Variants in PRKN observed in about 807,000 individuals in gnomAD.
PRKN encodes the protein parkin RBR E3 ubiquitin protein ligase.
PRKN carries 56 observed loss-of-function variants against 59.5 expected under a neutral mutation model. The observed-to-expected ratio is 0.94, with a 90% CI of 0.76 to 1.18. The LOEUF (loss-of-function observed/expected upper bound fraction) is 1.18, where lower values mean the gene tolerates loss of function less well. Ranked by LOEUF, PRKN falls within the 50% of genes most tolerant of loss-of-function variation. The pLI is 0.00. For missense variants in PRKN, 657 were observed against 596.4 expected, an observed-to-expected ratio of 1.10 and a Z score of -1.06; for synonymous variants, 250 against 222.1, an observed-to-expected ratio of 1.13 and a Z score of -1.12.
chr6:162,116,662 T>TA (rs1780687347), intron 4 of PRKN, among the ~76,000 whole-genome samples: 1 of 152,202 alleles, frequency 6.6e-6, no homozygotes. Flanking sequence ...GGTTCAGAGA[T>TA]AAAACAAATA....
At chr6:162,164,530 T>C (rs1458206012) in intron 4 of PRKN, among the ~76,000 whole-genome samples, 1 of 148,972 alleles carries the variant, frequency 6.7e-6, no homozygotes, top group Non-Finnish European at 1.5e-5. Context: ...GGACTTTTTG[T>C]GTGTAGAGTG....
chr6:162,351,038 T>A (rs527614164), intron 2 of PRKN, among the ~76,000 whole-genome samples: 1 of 151,410 alleles, frequency 6.6e-6, no homozygotes, highest in African/African-American at 2.4e-5. Flanking sequence ...AAAAAAATAA[T>A]AAAAATCCAA....
intron 1 of PRKN, among the ~76,000 whole-genome samples, chr6:162,719,766 T>C (rs1778861271): frequency 6.6e-6 from 1 of 152,154 alleles, no homozygotes; most frequent in East Asian, 1.9e-4. Context: ...GAAATTCACC[T>C]GTTGTTCAGA....
intron 7 of PRKN, among the ~76,000 whole-genome samples, chr6:161,570,965 G>T (rs1187696958): frequency 6.6e-6 from 1 of 152,070 alleles, no homozygotes; most frequent in African/African-American, 2.4e-5. Context: ...TTTTGAGTCA[G>T]GGTCTAACTC....
intron 7 of PRKN, among the ~76,000 whole-genome samples, chr6:161,770,189 G>A (rs1789604618): frequency 6.6e-6 from 1 of 152,138 alleles, no homozygotes; most frequent in South Asian, 2.1e-4. Flanking sequence ...CAGCCCACAT[G>A]GAGCATGGGG....
intron 5 of PRKN, among the ~76,000 whole-genome samples, chr6:162,019,109 T>C (rs1783035953): frequency 2.0e-5 from 3 of 152,180 alleles, no homozygotes; most frequent in Non-Finnish European, 4.4e-5. Flanking sequence ...TTCTTTCTAC[T>C]ATCAGAATGA....
chr6:162,708,214 C>T (rs1309321340), intron 1 of PRKN, among the ~76,000 whole-genome samples: 2 of 152,018 alleles, frequency 1.3e-5, no homozygotes, highest in Non-Finnish European at 2.9e-5. Flanking sequence ...TCCAGCTGTG[C>T]CCCAAGAAAA....
rs1042785370 is a variant in PRKN, at chr6:161,359,116, A to G, written c.1285+972T>C. Among the ~76,000 whole-genome samples, 1 of 152,086 alleles carries G rather than the reference A, an allele frequency of 6.6e-6. No homozygotes were observed. The highest frequency in any genetic ancestry group is 2.4e-5 in the African/African-American group (1 of 41,438). On this transcript the variant is annotated intron_variant, in intron 11 of 11. Transcript: ENST00000366898. The surrounding 1 kb of genome is among the most constrained non-coding windows in gnomAD (Gnocchi z 5.4). ...GCCGCCTTCTGCTCTTTATAGGTGC[A>G]TGCCAATCCCTTCATTTTCTAGGAG...
rs948234479 is a variant in PRKN at position 161,578,160 on chromosome 6, C to T, written c.872-8744G>A. On this transcript the variant is annotated intron_variant, in intron 7 of 11. Coordinates refer to ENST00000366898, the MANE Select transcript of PRKN (RefSeq NM_004562.3). The surrounding 1 kb of genome is among the most constrained non-coding windows in gnomAD (Gnocchi z 4.2). ...ATAAAAAAAGAAAAAGAGGAGGTGGCTTGGAATCAAAGAGGCCAAAGCCTG... is the reference window on the plus strand; with the variant it reads ...ATAAAAAAAGAAAAAGAGGAGGTGGTTTGGAATCAAAGAGGCCAAAGCCTG... Among the ~76,000 whole-genome samples the T allele has an allele frequency of 2.0e-4, 30 of 152,054 alleles. No individual in the cohort carries two copies. The highest frequency in any genetic ancestry group is 5.8e-4 in the African/African-American group (24 of 41,400).
Position 161,372,001 on chromosome 6 carries a change from C to T in PRKN, c.1168-11796G>A, listed in dbSNP as rs1196595517. ...ATTTCTGCTAGGAGTGGAATGTGTG[C>T]CAAGTGCCACAGACGAGATCTTACA... On this transcript the variant is annotated intron_variant, in intron 10 of 11. Coordinates refer to ENST00000366898, the MANE Select transcript of PRKN (RefSeq NM_004562.3). The surrounding 1 kb of genome is among the most constrained non-coding windows in gnomAD (Gnocchi z 4.2). Among the ~76,000 whole-genome samples, 1 of 152,262 alleles carries T rather than the reference C, an allele frequency of 6.6e-6. No homozygotes were observed. The highest frequency in any genetic ancestry group is 6.5e-5 in the Admixed American group (1 of 15,290).
Position 162,599,790 on chromosome 6 carries a change from TCAA to T in PRKN, c.7+127869_7+127871del, listed in dbSNP as rs1477132651. 1.3e-5 allele frequency among the ~76,000 whole-genome samples: 2 copies of T among 152,076 alleles called. 1 individual carries two copies. The highest frequency in any genetic ancestry group is 3.9e-4 in the East Asian group (2 of 5,188). The stretch of plus-strand genomic sequence containing the variant: ...TATGCTTGATGCCTAATTTCAACCA[TCAA>T]CAACAATAGTAACAACAAAACAGAA... On this transcript the variant is annotated intron_variant, in intron 1 of 11. Coordinates refer to ENST00000366898, the MANE Select transcript of PRKN (RefSeq NM_004562.3).
intron 4 of PRKN, among the ~76,000 whole-genome samples, chr6:162,143,636 A>T (rs10945798): frequency 0.048 from 7,302 of 152,312 alleles, 245 homozygotes; most frequent in Non-Finnish European, 0.074. Flanking sequence ...AACAAGATAC[A>T]TTTGAAGAAA....
intron 4 of PRKN, among the ~76,000 whole-genome samples, chr6:162,055,517 G>A (rs1394016050): frequency 6.6e-6 from 1 of 152,156 alleles, no homozygotes; most frequent in Non-Finnish European, 1.5e-5. Context: ...TCCTCACCGT[G>A]GGTGGAGCAG....
chr6:161,644,813 C>T (rs1485522790), intron 7 of PRKN, among the ~76,000 whole-genome samples: 1 of 152,216 alleles, frequency 6.6e-6, no homozygotes, highest in Non-Finnish European at 1.5e-5. Flanking sequence ...TGCACCCAGG[C>T]AGGCCAACAG....
At chr6:162,563,236 G>A (rs540735984) in intron 1 of PRKN, among the ~76,000 whole-genome samples, 2 of 151,996 alleles carry the variant, frequency 1.3e-5, no homozygotes, top group Middle Eastern at 3.4e-3. Flanking sequence ...CCCAGGAGGC[G>A]GAGCTTGCAG....
At chr6:162,141,385 T>G (rs1781773757) in intron 4 of PRKN, among the ~76,000 whole-genome samples, 1 of 152,160 alleles carries the variant, frequency 6.6e-6, no homozygotes, top group African/African-American at 2.4e-5. Context: ...GCTTTATTTT[T>G]CAATGGGTTT....
chr6:162,714,333 C>A (rs1477885015), intron 1 of PRKN, among the ~76,000 whole-genome samples: 4 of 152,156 alleles, frequency 2.6e-5, no homozygotes, highest in African/African-American at 7.2e-5. Flanking sequence ...CGTCACGGGG[C>A]CTTTGTCTAA....
At chr6:161,516,657 A>G (rs12527840) in intron 9 of PRKN, among the ~76,000 whole-genome samples, 10,642 of 150,648 alleles carry the variant, frequency 0.071, 493 homozygotes, top group African/African-American at 0.13. Context: ...GTAAAACTCC[A>G]TCTCCACTAA....
chr6:162,300,079 G>A (rs1184233305), intron 2 of PRKN, among the ~76,000 whole-genome samples: 1 of 151,956 alleles, frequency 6.6e-6, no homozygotes, highest in African/African-American at 2.4e-5. Context: ...TAGCATTATA[G>A]AATCAGAGCA....
Sources: gnomAD v4.1 joint callset for allele counts (sites outside exome capture counted in the v4.1 genomes callset) on GRCh38, gnomAD v4.1.1 for gene constraint, Gnocchi (gnomAD v3.1) non-coding constraint, MANE v1.5 for transcripts, NCBI Gene and HGNC (gene_info 2026-07-23, HGNC 2026-07-21) for gene names.